Variants in SLC24A2 observed in about 807,000 individuals in gnomAD.
The protein encoded by SLC24A2 is solute carrier family 24 member 2, also known as sodium/potassium/calcium exchanger 2.
In SLC24A2, 36 loss-of-function variants were observed where a neutral mutation model predicts 62.0. That is an observed-to-expected ratio of 0.58 (90% CI 0.44 to 0.77). The LOEUF (loss-of-function observed/expected upper bound fraction) is 0.77, where lower values mean the gene tolerates loss of function less well. SLC24A2 is among the 30% of genes least tolerant of loss of function. The probability of loss-of-function intolerance (pLI) is 0.00; values close to 1 mark genes in which losing one functional copy is unlikely to be tolerated. For synonymous variants in SLC24A2, 358 were observed against 294.0 expected (o/e 1.22, Z -2.23); for missense variants, 846 against 817.9 (o/e 1.03, Z -0.42).
intron 2 of SLC24A2, among the ~76,000 whole-genome samples, chr9:19,732,725 C>G (rs1317027824): frequency 6.6e-6 from 1 of 152,158 alleles, no homozygotes; most frequent in Admixed American, 6.6e-5. Context: ...ATGCAGAACC[C>G]AGGCCTGCCT....
rs148429552 is a variant in SLC24A2 at position 19,570,950 on chromosome 9, T to C, written c.1347+2401A>G. On this transcript the variant is annotated intron_variant, in intron 7 of 10. Coordinates refer to ENST00000341998, the MANE Select transcript of SLC24A2 (RefSeq NM_020344.4). The stretch of plus-strand genomic sequence containing the variant: ...AGCCTAGCAGGGTGGTGCACAAATC[T>C]GTCCTGTTCCCCTTTGTGGAGACCT... 2.6e-5 allele frequency among the ~76,000 whole-genome samples: 4 copies of C among 152,338 alleles called. No homozygotes were observed. In the East Asian group the frequency reaches 7.7e-4, roughly 29 times the overall value.
intron 5 of SLC24A2, among the ~76,000 whole-genome samples, chr9:19,590,198 C>CCTAA (rs1836509139): frequency 1.3e-5 from 2 of 152,082 alleles, no homozygotes; most frequent in Non-Finnish European, 2.9e-5. Context: ...CAAATTGTTT[C>CCTAA]CTAACTACAT....
the SLC24A2 span, among the ~76,000 whole-genome samples, chr9:20,027,680 G>A: frequency 6.6e-6 from 1 of 152,148 alleles, no homozygotes; most frequent in Admixed American, 6.6e-5. Flanking sequence ...GGAGGTGTTT[G>A]TCAAGGGATA....
chr9:19,522,690 A>C (rs1302959862), intron 9 of SLC24A2, among the ~76,000 whole-genome samples: 2 of 152,140 alleles, frequency 1.3e-5, no homozygotes, highest in African/African-American at 4.8e-5. Flanking sequence ...CTTGGTCACC[A>C]CGATCTCCCT....
chr9:19,754,056 T>C (rs865875154), intron 2 of SLC24A2, among the ~76,000 whole-genome samples: 2 of 152,222 alleles, frequency 1.3e-5, no homozygotes, highest in Non-Finnish European at 2.9e-5. Context: ...TAAAAACTCC[T>C]ATCCTTTCCA....
At chr9:19,924,367 T>A in the SLC24A2 span, among the ~76,000 whole-genome samples, 130 of 152,316 alleles carry the variant, frequency 8.5e-4, no homozygotes, top group Non-Finnish European at 1.1e-3. Flanking sequence ...TTATGGCTGC[T>A]TTTGGGGGAG....
At chr9:20,214,653 T>C in the SLC24A2 span, among the ~76,000 whole-genome samples, 3 of 151,728 alleles carry the variant, frequency 2.0e-5, no homozygotes, top group African/African-American at 7.3e-5. Context: ...GTTAAAAGGG[T>C]AAATCTCATG....
the SLC24A2 span, among the ~76,000 whole-genome samples, chr9:20,296,711 C>G: frequency 6.6e-6 from 1 of 152,168 alleles, no homozygotes; most frequent in African/African-American, 2.4e-5. Flanking sequence ...ATTGAGGTTG[C>G]CCATCATGGT....
chr9:19,878,498 G>C, the SLC24A2 span, among the ~76,000 whole-genome samples: 1 of 152,170 alleles, frequency 6.6e-6, no homozygotes, highest in Admixed American at 6.5e-5. Context: ...CTTTTATATG[G>C]TTTAGATTCG....
rs193285218 is a variant in SLC24A2 at position 19,620,513 on chromosome 9, G to C, written c.970-821C>G. Among the ~76,000 whole-genome samples the C allele has an allele frequency of 3.9e-5, 6 of 152,280 alleles. No homozygotes were observed. In the East Asian group the frequency reaches 1.2e-3, roughly 29 times the overall value. ...ACAAACTACTAGTTGTGATCCGTTGGCCAAATAAAAGGAACTGGTACGTGA... is the reference window on the plus strand; with the variant it reads ...ACAAACTACTAGTTGTGATCCGTTGCCCAAATAAAAGGAACTGGTACGTGA... On this transcript the variant is annotated intron_variant, in intron 3 of 10. Coordinates refer to ENST00000341998, the MANE Select transcript of SLC24A2 (RefSeq NM_020344.4).
chr9:20,054,166 T>A, the SLC24A2 span, among the ~76,000 whole-genome samples: 1 of 152,024 alleles, frequency 6.6e-6, no homozygotes, highest in Admixed American at 6.6e-5. Context: ...CTTTTCTTTT[T>A]TCTTTTTCTT....
chr9:19,900,150 T>G, the SLC24A2 span, among the ~76,000 whole-genome samples: 1 of 152,234 alleles, frequency 6.6e-6, no homozygotes, highest in Non-Finnish European at 1.5e-5. Flanking sequence ...TGCCCTAGAA[T>G]GCAATGGATT....
chr9:20,218,643 G>A, the SLC24A2 span, among the ~76,000 whole-genome samples: 1 of 152,166 alleles, frequency 6.6e-6, no homozygotes, highest in Non-Finnish European at 1.5e-5. Flanking sequence ...TTCTAGTTCT[G>A]ATGTTGAATA....
At chr9:20,104,512 G>T in the SLC24A2 span, among the ~76,000 whole-genome samples, 3 of 152,096 alleles carry the variant, frequency 2.0e-5, no homozygotes, top group East Asian at 3.9e-4. Context: ...CAGCAGAAAC[G>T]CTACAAGCCA....
At chr9:19,819,947 A>G in the SLC24A2 span, among the ~76,000 whole-genome samples, 2 of 149,394 alleles carry the variant, frequency 1.3e-5, no homozygotes, top group South Asian at 4.2e-4. Context: ...AAATCGTGGA[A>G]CCAACCCAAA....
At chr9:20,051,657 C>CTCTCTTTTTTTTTTTTTTTT in the SLC24A2 span, among the ~76,000 whole-genome samples, 10 of 73,508 alleles carry the variant, frequency 1.4e-4, no homozygotes, top group African/African-American at 4.2e-4. Context: ...TTTTCTTTCT[C>CTCTCTTTTTTTTTTTTTTTT]TTTTTTTTTT....
chr9:19,762,806 T>C (rs1161792289), intron 2 of SLC24A2, among the ~76,000 whole-genome samples: 1 of 151,258 alleles, frequency 6.6e-6, no homozygotes, highest in African/African-American at 2.4e-5. Context: ...TTTTTTTTTT[T>C]TTTTTGGTTC....
chr9:19,827,590 A>T, the SLC24A2 span, among the ~76,000 whole-genome samples: 1 of 152,160 alleles, frequency 6.6e-6, no homozygotes, highest in East Asian at 1.9e-4. Context: ...CTGGAATGGA[A>T]GTAAGGCTAC....
intron 6 of SLC24A2, among the ~76,000 whole-genome samples, chr9:19,573,974 G>T (rs1185937829): frequency 1.3e-5 from 2 of 152,162 alleles, no homozygotes; most frequent in Admixed American, 6.5e-5. Flanking sequence ...CTCTGGAAAG[G>T]ATATTAGCTA....
Sources: allele counts gnomAD v4.1 joint callset (sites outside exome capture counted in the v4.1 genomes callset), GRCh38; gene constraint gnomAD v4.1.1; transcripts MANE v1.5; gene names NCBI Gene and HGNC (gene_info 2026-07-23, HGNC 2026-07-21).